Variants in NRXN3 observed in about 807,000 individuals in gnomAD.
NRXN3 encodes neurexin III.
NRXN3 carries 32 observed loss-of-function variants against 137.6 expected under a neutral mutation model. The ratio of observed to expected loss-of-function variants is 0.23; its 90% CI spans 0.18 to 0.31. The LOEUF (loss-of-function observed/expected upper bound fraction) is 0.31, where lower values mean the gene tolerates loss of function less well. Among genes scored for constraint, NRXN3 ranks in the 10% least tolerant of loss-of-function variants. The pLI, the probability that NRXN3 is intolerant of heterozygous loss-of-function variation, is 1.00. For synonymous variants in NRXN3, 798 were observed against 784.5 expected, an observed-to-expected ratio of 1.02 and a Z score of -0.29; for missense variants, 1,574 against 2,062.5, an observed-to-expected ratio of 0.76 and a Z score of 4.59.
intron 15 of NRXN3, among the ~76,000 whole-genome samples, chr14:79,128,497 T>C (rs1394109003): frequency 6.6e-6 from 1 of 151,430 alleles, no homozygotes; most frequent in African/African-American, 2.4e-5. Context: ...TTGTGTATAT[T>C]GAACCAGCCT....
At chr14:79,295,882 A>G (rs1481619911) in intron 15 of NRXN3, among the ~76,000 whole-genome samples, 1 of 152,084 alleles carries the variant, frequency 6.6e-6, no homozygotes, top group East Asian at 1.9e-4. Context: ...TTCTGTGTTT[A>G]CTTTTTTCGC....
At chr14:78,296,237 T>G (rs887523103) in intron 3 of NRXN3, among the ~76,000 whole-genome samples, 2 of 152,078 alleles carry the variant, frequency 1.3e-5, no homozygotes, top group African/African-American at 4.8e-5. Context: ...AATTCTTTAA[T>G]TTTTATTTTG....
chr14:79,468,055 G>A (rs2096453602), intron 16 of NRXN3, among the ~76,000 whole-genome samples: 1 of 152,170 alleles, frequency 6.6e-6, no homozygotes, highest in Non-Finnish European at 1.5e-5. Context: ...GCCAGAGTGG[G>A]CGGGGCAAAA....
At chr14:78,739,168 C>A (rs962633229) in intron 8 of NRXN3, among the ~76,000 whole-genome samples, 1 of 152,218 alleles carries the variant, frequency 6.6e-6, no homozygotes, top group Non-Finnish European at 1.5e-5. Flanking sequence ...TTTTCCTCTA[C>A]CATGACCAAG....
At chr14:78,225,096 G>T (rs1436527627) in intron 1 of NRXN3, among the ~76,000 whole-genome samples, 2 of 152,076 alleles carry the variant, frequency 1.3e-5, no homozygotes, top group Non-Finnish European at 2.9e-5. Context: ...ATGATTTATA[G>T]TCTTTTGGGT....
At chr14:79,693,738 A>C (rs2098724715) in intron 18 of NRXN3, among the ~76,000 whole-genome samples, 1 of 151,750 alleles carries the variant, frequency 6.6e-6, no homozygotes, top group East Asian at 1.9e-4. Context: ...TGGCTTTCAC[A>C]TAAAAGGTGC....
chr14:78,925,443 G>T (rs938402951), intron 10 of NRXN3, among the ~76,000 whole-genome samples: 23 of 152,138 alleles, frequency 1.5e-4, no homozygotes, highest in African/African-American at 5.3e-4. Context: ...CATGCATAGG[G>T]AGATTATTTA....
At chr14:79,725,690 T>C (rs2098882456) in intron 19 of NRXN3, among the ~76,000 whole-genome samples, 1 of 152,160 alleles carries the variant, frequency 6.6e-6, no homozygotes, top group Admixed American at 6.5e-5. Context: ...TTCAGTGAAA[T>C]ATTGAAATAA....
At chr14:79,413,098 C>T (rs566616948) in intron 15 of NRXN3, among the ~76,000 whole-genome samples, 40 of 152,208 alleles carry the variant, frequency 2.6e-4, no homozygotes, top group African/African-American at 8.7e-4. Context: ...AAAGTAAGCA[C>T]GATCATTGGA....
At chr14:78,363,268 TG>T (rs1175329530) in intron 4 of NRXN3, among the ~76,000 whole-genome samples, 1 of 152,192 alleles carries the variant, frequency 6.6e-6, no homozygotes, top group Non-Finnish European at 1.5e-5. Flanking sequence ...TAACCTCTGA[TG>T]TAGGTAAGCA....
At chr14:79,358,573 A>AGAG (rs1201288185) in intron 15 of NRXN3, among the ~76,000 whole-genome samples, 2 of 133,198 alleles carry the variant, frequency 1.5e-5, no homozygotes, top group Non-Finnish European at 3.2e-5. Context: ...AAAAAAAAAA[A>AGAG]AGAAAGAAAG....
At chr14:78,939,509 A>C (rs572529168) in intron 10 of NRXN3, among the ~76,000 whole-genome samples, 1 of 152,314 alleles carries the variant, frequency 6.6e-6, no homozygotes, top group Non-Finnish European at 1.5e-5. Context: ...GAGATTAAGA[A>C]AGGGATACAA....
At chr14:78,182,556 G>T (rs1271978973) in intron 1 of NRXN3, among the ~76,000 whole-genome samples, 1 of 152,176 alleles carries the variant, frequency 6.6e-6, no homozygotes, top group Admixed American at 6.5e-5. Context: ...CGCAACCTCT[G>T]CCTGCCGGGT....
rs375804646 is a variant in NRXN3 at position 78,193,761 on chromosome 14, CAAA to C, written c.-704+23105_-704+23107del. On this transcript the variant is annotated intron_variant, in intron 1 of 20. Coordinates refer to ENST00000335750, the MANE Select transcript of NRXN3 (RefSeq NM_001330195.2). ...TGGGTGACAGAATGAAACTCTGTCT[CAAA>C]AAAAAAAAAAAAAAAAAGTTATGTC... Among the ~76,000 whole-genome samples, 187 of 109,052 alleles carry C rather than the reference CAAA, an allele frequency of 1.7e-3. 3 individuals carry two copies. In the East Asian group the frequency reaches 0.025, roughly 15 times the overall value. The allele number at this position is 109,052 out of a possible 152,430, so 71.5% of individuals were successfully genotyped here.
chr14:79,546,081 T>A (rs767541489), intron 16 of NRXN3, among the ~76,000 whole-genome samples: 8 of 152,278 alleles, frequency 5.3e-5, no homozygotes, highest in Middle Eastern at 3.4e-3. Flanking sequence ...TGTGACTTGC[T>A]CCTCCTTGCC....
chr14:78,617,028 A>T (rs1306128070), intron 4 of NRXN3, among the ~76,000 whole-genome samples: 1 of 152,140 alleles, frequency 6.6e-6, no homozygotes, highest in Non-Finnish European at 1.5e-5. Flanking sequence ...GCACTAACCT[A>T]AATAATCTCT....
rs17109172 is a variant in NRXN3, at chr14:79,422,045, G to A, written c.3263-45176G>A. The stretch of plus-strand genomic sequence containing the variant: ...ATTTCAAAGTTACATGTAGAGTGAG[G>A]ATGCAGGTTTCATAGGGTTTTTGTT... On this transcript the variant is annotated intron_variant, in intron 15 of 20. Coordinates refer to ENST00000335750, the MANE Select transcript of NRXN3 (RefSeq NM_001330195.2). Among the ~76,000 whole-genome samples, 1,385 of 152,166 alleles carry A rather than the reference G, an allele frequency of 9.1e-3. 33 individuals carry two copies. In the East Asian group the frequency reaches 0.1, roughly 11 times the overall value.
chr14:78,811,337 G>A (rs1033793854), intron 10 of NRXN3, among the ~76,000 whole-genome samples: 19 of 152,084 alleles, frequency 1.2e-4, no homozygotes, highest in African/African-American at 2.7e-4. Context: ...CCACCACCTC[G>A]GAGTTCTTTA....
intron 15 of NRXN3, among the ~76,000 whole-genome samples, chr14:79,014,655 T>G (rs1406339538): frequency 1.3e-5 from 2 of 152,194 alleles, no homozygotes; most frequent in Non-Finnish European, 2.9e-5. Context: ...GTAATTCTGT[T>G]TTAAGTTCTT....
Sources: allele counts gnomAD v4.1 joint callset (sites outside exome capture counted in the v4.1 genomes callset), GRCh38; gene constraint gnomAD v4.1.1; transcripts MANE v1.5; gene names NCBI Gene and HGNC (gene_info 2026-07-23, HGNC 2026-07-21).